The following CCDC192 variants were observed in gnomAD, a reference collection of about 807,000 sequenced individuals.
The protein encoded by CCDC192 is coiled-coil domain containing 192.
rs538631119 is a variant in CCDC192, at chr5:127,860,221, C to G, written c.412-15317C>G. On this transcript the variant is annotated intron_variant, in intron 5 of 6. Coordinates refer to ENST00000514853, the MANE Select transcript of CCDC192 (RefSeq NM_001317938.2). ...CAAAAGAAAGGGATTATGCTTATTT[C>G]CTTTTGCTTTATTTACCCAGCATCT... 2.6e-5 allele frequency among the ~76,000 whole-genome samples: 4 copies of G among 152,284 alleles called. No individual in the cohort carries two copies. The East Asian group carries it at 7.7e-4, about 29-fold the overall frequency.
chr5:127,919,169 A>G (rs924811788), intron 6 of CCDC192, among the ~76,000 whole-genome samples: 7 of 151,798 alleles, frequency 4.6e-5, no homozygotes, highest in Admixed American at 6.6e-5. Flanking sequence ...TAGCTCTCGG[A>G]AAATGATGCA....
chr5:127,727,175 G>C (rs1467542494), intron 2 of CCDC192, among the ~76,000 whole-genome samples: 1 of 152,156 alleles, frequency 6.6e-6, no homozygotes, highest in African/African-American at 2.4e-5. Flanking sequence ...GGGCCTGACT[G>C]TTAAAAGAAA....
At chr5:127,737,044 C>T (rs1017953762) in intron 2 of CCDC192, among the ~76,000 whole-genome samples, 50 of 150,994 alleles carry the variant, frequency 3.3e-4, no homozygotes, top group African/African-American at 1.2e-3. Flanking sequence ...TTGGATCTTT[C>T]CTGCTTTCTC....
intron 5 of CCDC192, among the ~76,000 whole-genome samples, chr5:127,810,883 G>A (rs1352444312): frequency 6.6e-6 from 1 of 152,166 alleles, no homozygotes; most frequent in East Asian, 1.9e-4. Flanking sequence ...AAGTACCCCA[G>A]TAACTTTACT....
chr5:127,732,805 C>T (rs1462834813), intron 2 of CCDC192, among the ~76,000 whole-genome samples: 1 of 152,082 alleles, frequency 6.6e-6, no homozygotes, highest in Non-Finnish European at 1.5e-5. Flanking sequence ...AACACATGAA[C>T]ACAGGGAGGG....
At chr5:127,725,809 T>G (rs1052595597) in intron 2 of CCDC192, among the ~76,000 whole-genome samples, 1 of 152,184 alleles carries the variant, frequency 6.6e-6, no homozygotes, top group Non-Finnish European at 1.5e-5. Flanking sequence ...TATTCTAAAC[T>G]GTGTTCAATG....
chr5:127,724,006 T>TAGAG (rs1752169458), intron 2 of CCDC192, among the ~76,000 whole-genome samples: 1 of 152,230 alleles, frequency 6.6e-6, no homozygotes, highest in Non-Finnish European at 1.5e-5. Context: ...TGGAGGGTTT[T>TAGAG]TCTAAGTTTG....
intron 3 of CCDC192, chr5:127,785,004 C>A (rs1756456764): frequency 4.2e-6 from 2 of 476,764 alleles, no homozygotes; most frequent in Admixed American, 4.7e-5. Flanking sequence ...CCAATAACTT[C>A]AACTTTAATA....
At chr5:127,873,440 G>C (rs991611371) in intron 5 of CCDC192, among the ~76,000 whole-genome samples, 1 of 152,126 alleles carries the variant, frequency 6.6e-6, no homozygotes, top group Non-Finnish European at 1.5e-5. Flanking sequence ...AGATTCTATA[G>C]TGAATATTTT....
chr5:127,738,385 T>C (rs1753163689), intron 2 of CCDC192, among the ~76,000 whole-genome samples: 3 of 134,938 alleles, frequency 2.2e-5, no homozygotes, highest in South Asian at 5.4e-4. Context: ...ATTTCAACTT[T>C]GGTGAATCTG....
intron 3 of CCDC192, among the ~76,000 whole-genome samples, chr5:127,754,978 T>TA (rs1754493421): frequency 6.6e-6 from 1 of 152,160 alleles, no homozygotes; most frequent in South Asian, 2.1e-4. Context: ...TGGGTATAAG[T>TA]AAAGCTCAGA....
At chr5:127,736,926 T>A (rs1483352011) in intron 2 of CCDC192, among the ~76,000 whole-genome samples, 1 of 151,104 alleles carries the variant, frequency 6.6e-6, no homozygotes, top group Non-Finnish European at 1.5e-5. Context: ...TGTCTCTATT[T>A]CCTTCAGTTC....
At chr5:127,722,491 T>C (rs1045830265) in intron 2 of CCDC192, among the ~76,000 whole-genome samples, 1 of 152,228 alleles carries the variant, frequency 6.6e-6, no homozygotes, top group African/African-American at 2.4e-5. Flanking sequence ...ATTTTTGCTT[T>C]AGTTCCCTGT....
At position 127,855,287 on chromosome 5, in the gene CCDC192, T is replaced by C. The variant is rs140134481; in HGVS notation, c.412-20251T>C. On this transcript the variant is annotated intron_variant, in intron 5 of 6. Coordinates refer to ENST00000514853, the MANE Select transcript of CCDC192 (RefSeq NM_001317938.2). ...TTATGTAATATTCTAAATTCTACTTTGTCATTTCCACAATGTTCACAAAAT... is the reference window on the plus strand; with the variant it reads ...TTATGTAATATTCTAAATTCTACTTCGTCATTTCCACAATGTTCACAAAAT... Among the ~76,000 whole-genome samples, 18 of 152,356 alleles carry C rather than the reference T, an allele frequency of 1.2e-4. 1 individual carries two copies. In the East Asian group the frequency reaches 3.5e-3, roughly 29 times the overall value.
chr5:127,755,276 C>T (rs1177922843), intron 3 of CCDC192, among the ~76,000 whole-genome samples: 2 of 152,096 alleles, frequency 1.3e-5, no homozygotes, highest in Non-Finnish European at 2.9e-5. Flanking sequence ...GGTAGTCTCC[C>T]TGTATAGTGA....
At chr5:127,931,743 C>G (rs914287122) in intron 6 of CCDC192, among the ~76,000 whole-genome samples, 3 of 152,096 alleles carry the variant, frequency 2.0e-5, no homozygotes, top group Admixed American at 1.3e-4. Flanking sequence ...TCCATATTAA[C>G]AGAGATTTCC....
chr5:127,813,470 T>A (rs790476), intron 5 of CCDC192, among the ~76,000 whole-genome samples: 119,247 of 152,124 alleles, frequency 0.78, 46,808 homozygotes, highest in East Asian at 0.93. Flanking sequence ...TCATCTGCAG[T>A]TTTTTATCAT....
At chr5:127,921,087 A>AGAAAGGAAAGGAAAG (rs141415438) in intron 6 of CCDC192, among the ~76,000 whole-genome samples, 4 of 131,780 alleles carry the variant, frequency 3.0e-5, no homozygotes, top group East Asian at 5.4e-4. Context: ...GGAAAGGAAA[A>AGAAAGGAAAGGAAAG]GAAAGGAAAG....
At chr5:127,821,582 A>G (rs1749293717) in intron 5 of CCDC192, among the ~76,000 whole-genome samples, 1 of 152,192 alleles carries the variant, frequency 6.6e-6, no homozygotes, top group Non-Finnish European at 1.5e-5. Flanking sequence ...TCTCCATTTT[A>G]CCAATGTTGA....
Sources: allele counts gnomAD v4.1 joint callset (sites outside exome capture counted in the v4.1 genomes callset), GRCh38; gene constraint gnomAD v4.1.1; transcripts MANE v1.5; gene names NCBI Gene and HGNC (gene_info 2026-07-23, HGNC 2026-07-21).